The following METTL25 variants were observed in gnomAD, a reference collection of about 807,000 sequenced individuals.
METTL25 encodes the protein methyltransferase like 25, also known as probable methyltransferase-like protein 25.
A neutral mutation model predicts 71.6 loss-of-function variants in METTL25; 64 were observed. That is an observed-to-expected ratio of 0.89 (90% CI 0.73 to 1.10). The LOEUF is 1.10. Among genes scored for constraint, METTL25 ranks in the 50% least tolerant of loss-of-function variants. METTL25 has a pLI of 0.00. For synonymous variants in METTL25, 287 were observed against 250.3 expected, an observed-to-expected ratio of 1.15 and a Z score of -1.38; for missense variants, 807 against 707.0, an observed-to-expected ratio of 1.14 and a Z score of -1.60.
At chr12:82,472,575 G>A (rs1378575103) in intron 9 of METTL25, among the ~76,000 whole-genome samples, 10 of 152,260 alleles carry the variant, frequency 6.6e-5, no homozygotes. Context: ...TCCAGCCTGG[G>A]CAATAGAGTG....
intron 10 of METTL25, 134 bp from the exon 11 acceptor site, chr12:82,477,147 A>G: frequency 2.1e-6 from 1 of 481,862 alleles, no homozygotes; most frequent in Admixed American, 3.4e-5. Context: ...TTTTCTGAAG[A>G]TGTACCTGGA....
chr12:82,360,965 C>T (rs1565791722), intron 1 of METTL25, among the ~76,000 whole-genome samples: 1 of 152,138 alleles, frequency 6.6e-6, no homozygotes, highest in Non-Finnish European at 1.5e-5. Context: ...TTACAGCTCA[C>T]AAACGCAGTG....
chr12:82,402,903 C>A, intron 4 of METTL25, 80 bp from the exon 5 acceptor site: 1 of 1,052,604 alleles, frequency 9.5e-7, no homozygotes, highest in Non-Finnish European at 1.4e-6. Context: ...TTGCAAGATC[C>A]TGTATGTAAA....
At chr12:82,449,909 A>G (rs757322842) in intron 8 of METTL25, among the ~76,000 whole-genome samples, 1 of 151,934 alleles carries the variant, frequency 6.6e-6, no homozygotes, top group Non-Finnish European at 1.5e-5. Context: ...CCCTTTAAAC[A>G]TGTTTCAGTA....
At chr12:82,451,368 C>A in intron 8 of METTL25, 1 of 418,462 alleles carries the variant, frequency 2.4e-6, no homozygotes, top group Non-Finnish European at 3.2e-6. Context: ...CCAGTATCCC[C>A]ACTGCATCAT....
At chr12:82,403,262 T>C in intron 5 of METTL25, 132 bp downstream of exon 5, 1 of 795,406 alleles carries the variant, frequency 1.3e-6, no homozygotes, top group Non-Finnish European at 2.0e-6. Flanking sequence ...ACATCTGACT[T>C]ACTTGCACTT....
At chr12:82,407,789 A>G in intron 5 of METTL25, 1 of 983,678 alleles carries the variant, frequency 1.0e-6, no homozygotes, top group Non-Finnish European at 1.2e-6. Context: ...GATAGGAATA[A>G]TGAAAGTAAA....
intron 1 of METTL25, among the ~76,000 whole-genome samples, chr12:82,373,026 G>A (rs756064746): frequency 7.9e-5 from 12 of 152,104 alleles, no homozygotes; most frequent in Non-Finnish European, 1.6e-4. Flanking sequence ...ACGCATTCTC[G>A]AAAACCTGCA....
chr12:82,430,198 A>G (rs529060158), intron 5 of METTL25, among the ~76,000 whole-genome samples: 1 of 150,862 alleles, frequency 6.6e-6, no homozygotes, highest in African/African-American at 2.4e-5. Context: ...TTTTCTTTTC[A>G]AAAACCCTGT....
chr12:82,453,337 C>T (rs2137243399), intron 8 of METTL25, among the ~76,000 whole-genome samples: 1 of 152,208 alleles, frequency 6.6e-6, no homozygotes. Flanking sequence ...TTGCTGTTTA[C>T]CTGTAACACA....
At chr12:82,428,208 A>G (rs34976398) in intron 5 of METTL25, among the ~76,000 whole-genome samples, 2 of 151,912 alleles carry the variant, frequency 1.3e-5, no homozygotes, top group African/African-American at 4.8e-5. Context: ...TCAACTGGCC[A>G]CAACCTACTC....
At chr12:82,364,792 T>C (rs1466971721) in intron 1 of METTL25, among the ~76,000 whole-genome samples, 1 of 152,180 alleles carries the variant, frequency 6.6e-6, no homozygotes, top group East Asian at 1.9e-4. Flanking sequence ...AAGAAATAAA[T>C]TGTCCAGAGT....
intron 9 of METTL25, chr12:82,468,619 T>G (rs1892384028): frequency 6.6e-6 from 1 of 152,200 alleles, no homozygotes; most frequent in Non-Finnish European, 1.5e-5. Flanking sequence ...ATGTGCCCTA[T>G]ATTTGGATCC....
intron 1 of METTL25, among the ~76,000 whole-genome samples, chr12:82,383,991 G>C (rs1884708019): frequency 6.6e-6 from 1 of 151,986 alleles, no homozygotes; most frequent in Non-Finnish European, 1.5e-5. Flanking sequence ...CTTATAACTT[G>C]TCTTATCAGA....
intron 9 of METTL25, among the ~76,000 whole-genome samples, chr12:82,469,647 C>G (rs1015987154): frequency 6.6e-6 from 1 of 151,784 alleles, no homozygotes; most frequent in African/African-American, 2.4e-5. Flanking sequence ...ACCATATCAC[C>G]TTCTAATTGG....
chr12:82,400,819 TA>T (rs1886558165), intron 4 of METTL25, among the ~76,000 whole-genome samples: 3 of 152,150 alleles, frequency 2.0e-5, no homozygotes, highest in Admixed American at 1.3e-4. Flanking sequence ...AGTAGGATAA[TA>T]TGGTGACTAC....
rs777550684 is a variant in METTL25, at chr12:82,358,690, A to G, written c.125A>G (p.Tyr42Cys). Residue 42 changes from tyrosine to cysteine, a missense_variant, in exon 1 of 12, where the codon TAC becomes TGC. Coordinates refer to ENST00000248306, the MANE Select transcript of METTL25 (RefSeq NM_032230.3). ...SISNAHTVDFYTESVWEELVD... is the reference protein window; with the variant it reads ...SISNAHTVDFCTESVWEELVD... ...TCCAATGCACATACCGTGGATTTCT[A>G]CACAGAATCCGTGTGGGAGGAGCTG... 6.2e-7 allele frequency: 1 copy of G among 1,614,182 alleles called. No homozygotes were observed. The highest frequency in any genetic ancestry group is 8.5e-7 in the Non-Finnish European group (1 of 1,180,046).
chr12:82,458,546 C>T (rs1222515583), intron 9 of METTL25, among the ~76,000 whole-genome samples: 2 of 151,944 alleles, frequency 1.3e-5, no homozygotes, highest in African/African-American at 4.8e-5. Context: ...TTAAAAAATA[C>T]AGAGAGAACC....
chr12:82,419,693 T>TATA (rs1888302161), intron 5 of METTL25, among the ~76,000 whole-genome samples: 2 of 145,286 alleles, frequency 1.4e-5, no homozygotes, highest in East Asian at 4.0e-4. Context: ...TGACTGCTAT[T>TATA]AAAAAAAAAA....
Sources: allele counts gnomAD v4.1 joint callset (sites outside exome capture counted in the v4.1 genomes callset), GRCh38; gene constraint gnomAD v4.1.1; transcripts MANE v1.5; gene names NCBI Gene and HGNC (gene_info 2026-07-23, HGNC 2026-07-21).